The following IL17RD variants were observed in gnomAD, a reference collection of about 807,000 sequenced individuals.
The protein encoded by IL17RD is interleukin 17 receptor D.
IL17RD carries 52 observed loss-of-function variants against 80.5 expected under a neutral mutation model. The observed-to-expected ratio is 0.65, with a 90% CI of 0.52 to 0.81. The LOEUF (loss-of-function observed/expected upper bound fraction) is 0.81, where lower values mean the gene tolerates loss of function less well. Among genes scored for constraint, IL17RD ranks in the 40% least tolerant of loss-of-function variants. The pLI, the probability that IL17RD is intolerant of heterozygous loss-of-function variation, is 0.00. For synonymous variants in IL17RD, 416 were observed against 391.8 expected, an observed-to-expected ratio of 1.06 and a Z score of -0.73; for missense variants, 1,024 against 955.1, an observed-to-expected ratio of 1.07 and a Z score of -0.95.
intron 2 of IL17RD, among the ~76,000 whole-genome samples, chr3:57,115,556 G>A (rs569541799): frequency 8.5e-5 from 13 of 152,246 alleles, no homozygotes; most frequent in Admixed American, 2.6e-4. Flanking sequence ...GCACCACCTG[G>A]TCTTGCTAAA....
chr3:57,097,714 G>T lies in IL17RD; in HGVS notation c.1989C>A (p.Gly663=). 6.2e-7 allele frequency: 1 copy of T among 1,604,282 alleles called. No individual in the cohort carries two copies. The highest frequency in any genetic ancestry group is 8.5e-7 in the Non-Finnish European group (1 of 1,174,744). Residue 663 remains glycine (G), a synonymous_variant, in exon 12 of 13, where the codon GGC becomes GGA. Transcript: ENST00000296318. ...GSPSDMPRDS[G]IYDSSVPSSE... is the part of the protein sequence containing the mutation. Reference sequence around the variant, plus strand: ...ATGAGGGCACAGACGAGTCATAGATGCCTGAGTCCCGCGGCATGTCCGAGG... The same window carrying T: ...ATGAGGGCACAGACGAGTCATAGATTCCTGAGTCCCGCGGCATGTCCGAGG...
chr3:57,102,707 CT>C (rs1706864471), intron 9 of IL17RD, 118 bp from the exon 10 acceptor site: 2 of 489,108 alleles, frequency 4.1e-6, no homozygotes, highest in East Asian at 6.3e-5. Flanking sequence ...ATGCAACCAC[CT>C]TTCTCTAGTG....
intron 1 of IL17RD, among the ~76,000 whole-genome samples, chr3:57,137,229 A>C (rs1160089196): frequency 6.6e-6 from 1 of 152,182 alleles, no homozygotes; most frequent in Admixed American, 6.5e-5. Flanking sequence ...AGTGACCAAC[A>C]CACCCTCATT....
In IL17RD at chr3:57,102,567, G is replaced by T; in HGVS notation, c.891C>A (p.Pro297=). 1 of 1,571,978 alleles carries T rather than the reference G, an allele frequency of 6.4e-7. No homozygotes were observed. The highest frequency in any genetic ancestry group is 8.7e-7 in the Non-Finnish European group (1 of 1,147,914). ...GCACTGTGATGGCCACGGCTCTGAT[G>T]GGCCCGGCCCACGGGGAGTGCACTG... ...LKPVHSPWAG[P]IRAVAITVPL... Residue 297 remains proline, a synonymous_variant, in exon 10 of 13, where the codon CCC becomes CCA. Transcript: ENST00000296318.
intron 2 of IL17RD, among the ~76,000 whole-genome samples, chr3:57,119,535 GA>G (rs1421020003): frequency 6.6e-6 from 1 of 151,868 alleles, no homozygotes; most frequent in Non-Finnish European, 1.5e-5. Flanking sequence ...TCTCAAAAAA[GA>G]AAAAGAAAAG....
At chr3:57,114,197 A>C (rs1179300429) in intron 3 of IL17RD, among the ~76,000 whole-genome samples, 2 of 152,164 alleles carry the variant, frequency 1.3e-5, no homozygotes, top group Non-Finnish European at 2.9e-5. Flanking sequence ...AAAAAAAAAA[A>C]AATTCAATTT....
chr3:57,143,512 G>A (rs966069004), intron 1 of IL17RD, among the ~76,000 whole-genome samples: 2 of 152,204 alleles, frequency 1.3e-5, no homozygotes, highest in Admixed American at 1.3e-4. Flanking sequence ...GTCCCTGAAG[G>A]CTGCCAGTAC....
intron 1 of IL17RD, among the ~76,000 whole-genome samples, chr3:57,122,740 CTTTTTTTT>C (rs754491969): frequency 4.4e-4 from 51 of 117,030 alleles, no homozygotes; most frequent in South Asian, 2.7e-3. Flanking sequence ...CCTCAACTGT[CTTTTTTTT>C]TTTTTTTTTT....
Position 57,094,124 on chromosome 3 carries a change from T to A in IL17RD, c.*2269A>T, listed in dbSNP as rs181031734. 121 of 152,324 alleles carry A rather than the reference T, an allele frequency of 7.9e-4. No homozygotes were observed. The highest frequency in any genetic ancestry group is 2.8e-3 in the African/African-American group (117 of 41,576). 9.4% of individuals were successfully genotyped at this position (152,324 alleles called of 1,614,324 possible). A position where few individuals can be genotyped will look rare whatever the true frequency, so the allele number is the denominator to read the frequency against. ...TATATCCACCGTCTGGGACAATTTC[T>A]GAGTCAAAAAATGCAGCTTTGCTTA... On this transcript the variant is annotated 3_prime_UTR_variant, in exon 13 of 13. Coordinates refer to ENST00000296318, the MANE Select transcript of IL17RD (RefSeq NM_017563.5).
chr3:57,164,575 C>T (rs557530558), intron 1 of IL17RD, among the ~76,000 whole-genome samples: 22 of 152,282 alleles, frequency 1.4e-4, no homozygotes, highest in African/African-American at 5.3e-4. Context: ...AACCGGGAGG[C>T]GAAGTTTCTC....
rs1183547645 is a variant in IL17RD, at chr3:57,091,285, T to C, written c.*5108A>G. 1 of 152,612 alleles carries C rather than the reference T, an allele frequency of 6.6e-6. No individual in the cohort carries two copies. Among genetic ancestry groups the C allele is most frequent in the East Asian group, 1.9e-4 (1 of 5,194 alleles). The allele number at this position is 152,612 out of a possible 1,614,324, so 9.5% of individuals were successfully genotyped here. A position where few individuals can be genotyped will look rare whatever the true frequency, so the allele number is the denominator to read the frequency against. On this transcript the variant is annotated 3_prime_UTR_variant, in exon 13 of 13. Transcript: ENST00000296318. ...GTATACATCAGGAATAAGCACCAAG[T>C]GTTTGATCTCAGGAGGAAAACAAAC... is the stretch of plus-strand genomic sequence containing the variant.
At chr3:57,126,059 GTTC>G (rs1354403744) in intron 1 of IL17RD, among the ~76,000 whole-genome samples, 4 of 152,190 alleles carry the variant, frequency 2.6e-5, no homozygotes, top group Non-Finnish European at 5.9e-5. Context: ...TTTGTAAACT[GTTC>G]TTCAAGAAAC....
chr3:57,103,019 G>A (rs1706871716), intron 9 of IL17RD, 72 bp downstream of exon 9: 2 of 1,041,268 alleles, frequency 1.9e-6, no homozygotes, highest in Non-Finnish European at 2.8e-6. Flanking sequence ...TGTAAATCAT[G>A]AAGTACAGAG....
At chr3:57,136,881 T>C (rs1483536120) in intron 1 of IL17RD, among the ~76,000 whole-genome samples, 6 of 152,066 alleles carry the variant, frequency 3.9e-5, no homozygotes, top group Non-Finnish European at 7.4e-5. Flanking sequence ...AAAACAAAGC[T>C]AAAAGACACG....
At chr3:57,125,690 C>G (rs1400932170) in intron 1 of IL17RD, among the ~76,000 whole-genome samples, 7 of 152,142 alleles carry the variant, frequency 4.6e-5, no homozygotes, top group Admixed American at 4.6e-4. Context: ...GAAGATAAGA[C>G]AGACAGACAG....
intron 1 of IL17RD, among the ~76,000 whole-genome samples, chr3:57,128,073 T>A (rs962901291): frequency 6.6e-5 from 10 of 152,160 alleles, no homozygotes; most frequent in African/African-American, 1.2e-4. Flanking sequence ...TCTCTCCACA[T>A]TCCCAGGAGC....
Position 57,112,171 on chromosome 3 carries a change from T to C in IL17RD, c.311-1860A>G, listed in dbSNP as rs569284025. The stretch of plus-strand genomic sequence containing the variant: ...AGTTATGTAATGATTAGTAATTTTA[T>C]AGAGCAGCTTCCCAGGAAAGAACTT... On this transcript the variant is annotated intron_variant, in intron 3 of 12. Coordinates refer to ENST00000296318, the MANE Select transcript of IL17RD (RefSeq NM_017563.5). 4.6e-5 allele frequency among the ~76,000 whole-genome samples: 7 copies of C among 152,342 alleles called. 1 individual carries two copies. In the South Asian group the frequency reaches 1.2e-3, roughly 27 times the overall value.
chr3:57,097,004 CAAA>C (rs200974175), intron 12 of IL17RD, among the ~76,000 whole-genome samples: 6 of 100,108 alleles, frequency 6.0e-5, no homozygotes, highest in Admixed American at 9.7e-5. Context: ...GACTCCATCT[CAAA>C]AAAAAAAAAA....
chr3:57,133,022 A>G (rs528235399), intron 1 of IL17RD, among the ~76,000 whole-genome samples: 8 of 152,194 alleles, frequency 5.3e-5, no homozygotes, highest in Non-Finnish European at 1.2e-4. Flanking sequence ...CCAACTTTCC[A>G]AAATGAATAA....
Sources: gnomAD v4.1 joint callset for allele counts (sites outside exome capture counted in the v4.1 genomes callset) on GRCh38, gnomAD v4.1.1 for gene constraint, MANE v1.5 for transcripts, NCBI Gene and HGNC (gene_info 2026-07-23, HGNC 2026-07-21) for gene names.